Variants in DOK6 observed in about 807,000 individuals in gnomAD.
DOK6 encodes the protein docking protein 6, also known as downstream of tyrosine kinase 6.
DOK6 carries 22 observed loss-of-function variants against 44.0 expected under a neutral mutation model. The observed-to-expected ratio is 0.50, with a 90% CI of 0.36 to 0.71. DOK6 has a LOEUF of 0.71. Among genes scored for constraint, DOK6 ranks in the 30% least tolerant of loss-of-function variants. DOK6 has a pLI of 0.00. For synonymous variants in DOK6, 166 were observed against 145.5 expected, an observed-to-expected ratio of 1.14 and a Z score of -1.01; for missense variants, 340 against 416.4, an observed-to-expected ratio of 0.82 and a Z score of 1.60.
intron 3 of DOK6, among the ~76,000 whole-genome samples, chr18:69,636,961 T>TTTA (rs1175195593): frequency 1.3e-5 from 2 of 152,120 alleles, no homozygotes; most frequent in African/African-American, 4.8e-5. Context: ...AGATGGTGTG[T>TTTA]TTATAGGATG....
At chr18:69,636,909 G>C (rs956246402) in intron 3 of DOK6, among the ~76,000 whole-genome samples, 1 of 152,266 alleles carries the variant, frequency 6.6e-6, no homozygotes, top group Admixed American at 6.5e-5. Context: ...AGACTGGGAA[G>C]TGAGGGTCTA....
intron 7 of DOK6, among the ~76,000 whole-genome samples, chr18:69,762,770 A>G (rs1289416379): frequency 6.6e-6 from 1 of 152,204 alleles, no homozygotes; most frequent in Non-Finnish European, 1.5e-5. Flanking sequence ...GTTGTCTGTC[A>G]GCCTCAAAGC....
intron 1 of DOK6, among the ~76,000 whole-genome samples, chr18:69,410,117 C>G (rs970355588): frequency 2.6e-5 from 4 of 152,208 alleles, no homozygotes; most frequent in Non-Finnish European, 4.4e-5. Flanking sequence ...ATATACTATT[C>G]TAGACATTTA....
chr18:69,477,979 T>C (rs983026115), intron 1 of DOK6, among the ~76,000 whole-genome samples: 39 of 152,188 alleles, frequency 2.6e-4, no homozygotes, highest in African/African-American at 8.9e-4. Context: ...TTTAAAAAAG[T>C]ATTATCGTTA....
chr18:69,527,920 C>T (rs1822266), intron 1 of DOK6, among the ~76,000 whole-genome samples: 123,874 of 152,072 alleles, frequency 0.81, 51,523 homozygotes, highest in South Asian at 0.89. Context: ...CCCAGCAATG[C>T]TGGGAGGCCA....
intron 1 of DOK6, among the ~76,000 whole-genome samples, chr18:69,480,885 A>T (rs1004375372): frequency 6.6e-6 from 1 of 152,204 alleles, no homozygotes; most frequent in Non-Finnish European, 1.5e-5. Context: ...AGAACTGTAC[A>T]TGAGAAAGGC....
At chr18:69,514,970 G>C (rs970214170) in intron 1 of DOK6, among the ~76,000 whole-genome samples, 16 of 152,002 alleles carry the variant, frequency 1.1e-4, no homozygotes, top group African/African-American at 3.4e-4. Flanking sequence ...AGATGACACA[G>C]TGGACAATTT....
chr18:69,812,893 C>T (rs1981284341), intron 7 of DOK6, among the ~76,000 whole-genome samples: 1 of 151,964 alleles, frequency 6.6e-6, no homozygotes, highest in Non-Finnish European at 1.5e-5. Context: ...GAGAATGCCC[C>T]CACGATTCAA....
At chr18:69,442,960 GTTTAA>G (rs542815735) in intron 1 of DOK6, among the ~76,000 whole-genome samples, 143 of 152,240 alleles carry the variant, frequency 9.4e-4, no homozygotes, top group African/African-American at 3.2e-3. Context: ...ATAAATGCTT[GTTTAA>G]TTTATTTACA....
At chr18:69,807,737 G>A (rs1055181300) in intron 7 of DOK6, among the ~76,000 whole-genome samples, 1 of 151,722 alleles carries the variant, frequency 6.6e-6, no homozygotes, top group African/African-American at 2.4e-5. Context: ...AATTCATCAA[G>A]AGAATACAAT....
At chr18:69,739,174 T>C (rs1880208842) in intron 6 of DOK6, 71 bp downstream of exon 6, 2 of 1,577,990 alleles carry the variant, frequency 1.3e-6, no homozygotes, top group African/African-American at 1.3e-5. Flanking sequence ...ACACTGTGTA[T>C]GTGTGGGGCC....
intron 1 of DOK6, among the ~76,000 whole-genome samples, chr18:69,440,912 G>C (rs1453541966): frequency 6.6e-6 from 1 of 152,046 alleles, no homozygotes; most frequent in Non-Finnish European, 1.5e-5. Flanking sequence ...TGAGTGAGTA[G>C]GTAGTGAATT....
chr18:69,680,566 C>T (rs945320786), intron 4 of DOK6, among the ~76,000 whole-genome samples: 1 of 152,212 alleles, frequency 6.6e-6, no homozygotes, highest in African/African-American at 2.4e-5. Flanking sequence ...ATTTCAGACT[C>T]TATTCTTGCT....
chr18:69,487,175 ATATG>A (rs1365960953), intron 1 of DOK6, among the ~76,000 whole-genome samples: 2,973 of 102,600 alleles, frequency 0.029, 87 homozygotes, highest in African/African-American at 0.099. Context: ...CACTGATAGG[ATATG>A]TGTGTGTGTG....
At chr18:69,745,825 T>C (rs1978966388) in intron 6 of DOK6, among the ~76,000 whole-genome samples, 1 of 152,258 alleles carries the variant, frequency 6.6e-6, no homozygotes, top group Non-Finnish European at 1.5e-5. Context: ...ATTCATAAGA[T>C]GGCTAGCAAG....
chr18:69,797,395 T>C, intron 7 of DOK6, among the ~76,000 whole-genome samples: 1 of 152,104 alleles, frequency 6.6e-6, no homozygotes, highest in Non-Finnish European at 1.5e-5. Flanking sequence ...AGTTAACATC[T>C]TGAGATTATA....
intron 1 of DOK6, among the ~76,000 whole-genome samples, chr18:69,454,904 T>A (rs187174560): frequency 1.6e-3 from 195 of 120,680 alleles, no homozygotes; most frequent in Admixed American, 2.5e-3. Flanking sequence ...CTCTAGGGAC[T>A]GTGGTGGGGT....
chr18:69,408,081 A>C, intron 1 of DOK6, among the ~76,000 whole-genome samples: 1 of 152,204 alleles, frequency 6.6e-6, no homozygotes, highest in East Asian at 1.9e-4. Flanking sequence ...AGCTGGAGTT[A>C]TTGAGACACA....
intron 3 of DOK6, among the ~76,000 whole-genome samples, chr18:69,651,404 A>T (rs1985221349): frequency 6.8e-6 from 1 of 147,894 alleles, no homozygotes; most frequent in Admixed American, 6.8e-5. Context: ...TTACCTTCTC[A>T]CCTTCACAGC....
Sources: gnomAD v4.1 joint callset for allele counts (sites outside exome capture counted in the v4.1 genomes callset) on GRCh38, gnomAD v4.1.1 for gene constraint, MANE v1.5 for transcripts, NCBI Gene and HGNC (gene_info 2026-07-23, HGNC 2026-07-21) for gene names.